Variants in ADGB observed in about 807,000 individuals in gnomAD.
ADGB encodes calpain-7-like protein.
Under a neutral mutation model 210.5 loss-of-function variants are expected in ADGB, and 172 were observed. The observed-to-expected ratio is 0.82, with a 90% CI of 0.72 to 0.93. The LOEUF (loss-of-function observed/expected upper bound fraction) is 0.93, where lower values mean the gene tolerates loss of function less well. Ranked by LOEUF, ADGB falls within the 40% of genes least tolerant of loss-of-function variation. The probability of loss-of-function intolerance (pLI) is 0.00; values close to 1 mark genes in which losing one functional copy is unlikely to be tolerated. For missense variants in ADGB, 2,025 were observed against 1,964.8 expected (o/e 1.03, Z -0.58); for synonymous variants, 658 against 662.7 (o/e 0.99, Z 0.11).
intron 29 of ADGB, among the ~76,000 whole-genome samples, chr6:146,772,102 T>G (rs1223071376): frequency 6.6e-6 from 1 of 152,112 alleles, no homozygotes; most frequent in Non-Finnish European, 1.5e-5. Context: ...CAGATCCATA[T>G]GACAGAAAAC....
At chr6:146,794,865 G>A (rs528124574) in intron 33 of ADGB, among the ~76,000 whole-genome samples, 1 of 152,196 alleles carries the variant, frequency 6.6e-6, no homozygotes, top group Non-Finnish European at 1.5e-5. Context: ...GTTTGAGTAT[G>A]AGACTTTAAA....
rs551266959 is a variant in ADGB at position 146,663,215 on chromosome 6, T to TA, written c.613-985dup. Reference sequence around the variant, plus strand: ...ATAATATTAAGGTTTTTTATATATATATAAGTATATATAACCTTAATAATA... The same window carrying TA: ...ATAATATTAAGGTTTTTTATATATATAATAAGTATATATAACCTTAATAATA... On this transcript the variant is annotated intron_variant, in intron 5 of 35. Transcript: ENST00000397944. Among the ~76,000 whole-genome samples the TA allele has an allele frequency of 2.9e-4, 42 of 144,520 alleles. 1 individual carries two copies. The South Asian group carries it at 8.7e-3, about 30-fold the overall frequency. The allele number at this position is 144,520 out of a possible 152,430, so 94.8% of individuals were successfully genotyped here.
intron 25 of ADGB, among the ~76,000 whole-genome samples, chr6:146,741,776 G>C (rs1777167001): frequency 6.6e-6 from 1 of 152,120 alleles, no homozygotes; most frequent in Non-Finnish European, 1.5e-5. Context: ...CTAAATGATA[G>C]ACCCTGATCT....
chr6:146,737,831 G>C (rs955319834), intron 23 of ADGB, among the ~76,000 whole-genome samples: 1 of 152,116 alleles, frequency 6.6e-6, no homozygotes, highest in African/African-American at 2.4e-5. Context: ...GGGGATTGTT[G>C]TTCTTCTCCA....
At chr6:146,810,078 A>T in intron 35 of ADGB, among the ~76,000 whole-genome samples, 1 of 152,208 alleles carries the variant, frequency 6.6e-6, no homozygotes, top group Non-Finnish European at 1.5e-5. Context: ...TAATATTTAA[A>T]ATATATTTAA....
intron 35 of ADGB, chr6:146,807,365 A>G (rs2114671908): frequency 6.5e-7 from 1 of 1,543,234 alleles, no homozygotes. Flanking sequence ...AGCCTTTACC[A>G]GTGGAATTAT....
At chr6:146,785,149 C>A (rs10485364) in intron 31 of ADGB, among the ~76,000 whole-genome samples, 5,569 of 152,170 alleles carry the variant, frequency 0.037, 314 homozygotes, top group African/African-American at 0.13. Flanking sequence ...CTACACTTTG[C>A]GCAGCCTTAG....
At chr6:146,806,468 T>A (rs915162046) in intron 35 of ADGB, among the ~76,000 whole-genome samples, 2 of 152,206 alleles carry the variant, frequency 1.3e-5, no homozygotes, top group Non-Finnish European at 2.9e-5. Context: ...ACTTGTGCAA[T>A]TGGTTTAGTC....
intron 12 of ADGB, among the ~76,000 whole-genome samples, chr6:146,695,868 TA>T (rs755554411): frequency 4.3e-4 from 65 of 152,182 alleles, no homozygotes; most frequent in Admixed American, 8.5e-4. Flanking sequence ...TAATGCAACA[TA>T]ACTAAGTGGC....
chr6:146,718,032 C>T (rs754951424), intron 16 of ADGB, among the ~76,000 whole-genome samples: 1 of 152,194 alleles, frequency 6.6e-6, no homozygotes, highest in East Asian at 1.9e-4. Context: ...TCCCTGTTAT[C>T]CTCATTGCTG....
intron 26 of ADGB, among the ~76,000 whole-genome samples, chr6:146,750,848 A>G (rs1402563541): frequency 1.3e-5 from 2 of 152,184 alleles, no homozygotes; most frequent in Non-Finnish European, 2.9e-5. Flanking sequence ...TGCTATTATC[A>G]GTGAAGCTCC....
chr6:146,780,106 A>G (rs1213219910), intron 29 of ADGB, among the ~76,000 whole-genome samples: 1 of 152,110 alleles, frequency 6.6e-6, no homozygotes, highest in Non-Finnish European at 1.5e-5. Context: ...AAAGGGGGAC[A>G]GAAATACGTG....
At chr6:146,673,555 T>G (rs1008308244) in intron 8 of ADGB, among the ~76,000 whole-genome samples, 2 of 152,194 alleles carry the variant, frequency 1.3e-5, no homozygotes, top group African/African-American at 4.8e-5. Context: ...TTATTCCACA[T>G]TTTGCTTTCT....
intron 1 of ADGB, among the ~76,000 whole-genome samples, chr6:146,621,407 G>A (rs1780892364): frequency 1.3e-5 from 2 of 152,020 alleles, no homozygotes; most frequent in Admixed American, 1.3e-4. Context: ...ACACCCAATT[G>A]CTCCCCTGGA....
intron 16 of ADGB, among the ~76,000 whole-genome samples, chr6:146,719,780 C>A (rs942788497): frequency 3.3e-5 from 5 of 152,146 alleles, no homozygotes; most frequent in Admixed American, 3.3e-4. Flanking sequence ...GGCAGAAACT[C>A]CTCCTCAGGC....
chr6:146,813,778 T>C (rs1778338804), intron 35 of ADGB, among the ~76,000 whole-genome samples: 1 of 152,196 alleles, frequency 6.6e-6, no homozygotes, highest in Non-Finnish European at 1.5e-5. Flanking sequence ...TTGTGTGTAA[T>C]AACCAAGTAA....
At chr6:146,797,794 C>T (rs1242403295) in intron 33 of ADGB, among the ~76,000 whole-genome samples, 1 of 152,088 alleles carries the variant, frequency 6.6e-6, no homozygotes, top group Non-Finnish European at 1.5e-5. Flanking sequence ...GGCTAAAAGA[C>T]TACACATCGG....
chr6:146,807,376 T>C (rs1315363436), intron 35 of ADGB: 2 of 1,546,228 alleles, frequency 1.3e-6, no homozygotes, highest in South Asian at 2.4e-5. Flanking sequence ...GTGGAATTAT[T>C]TGTTTGGGGT....
chr6:146,658,545 C>G (rs143914623), intron 5 of ADGB, among the ~76,000 whole-genome samples: 1 of 152,220 alleles, frequency 6.6e-6, no homozygotes, highest in East Asian at 1.9e-4. Context: ...TGAACCAACC[C>G]TGTTGATTTA....
Sources: gnomAD v4.1 joint callset for allele counts (sites outside exome capture counted in the v4.1 genomes callset) on GRCh38, gnomAD v4.1.1 for gene constraint, MANE v1.5 for transcripts, NCBI Gene and HGNC (gene_info 2026-07-23, HGNC 2026-07-21) for gene names.